RBMS3: variants seen among roughly 807,000 people sequenced by gnomAD.
RBMS3 encodes RNA-binding motif, single-stranded-interacting protein 3.
In RBMS3, 27 loss-of-function variants were observed where a neutral mutation model predicts 66.8. The ratio of observed to expected loss-of-function variants is 0.40; its 90% CI spans 0.30 to 0.56. The LOEUF (loss-of-function observed/expected upper bound fraction) is 0.56, where lower values mean the gene tolerates loss of function less well. RBMS3 is among the 20% of genes least tolerant of loss of function. The pLI is 0.40. For synonymous variants in RBMS3, 188 were observed against 183.0 expected (o/e 1.03, Z -0.22); for missense variants, 513 against 549.5 (o/e 0.93, Z 0.66).
At chr3:29,497,973 A>ACTTTT (rs2043818679) in intron 3 of RBMS3, among the ~76,000 whole-genome samples, 7 of 43,416 alleles carry the variant, frequency 1.6e-4, no homozygotes, top group African/African-American at 6.9e-4. Flanking sequence ...AAAAGTATTC[A>ACTTTT]TTTTTTTTTT....
At chr3:29,722,833 C>T (rs1481010157) in intron 4 of RBMS3, among the ~76,000 whole-genome samples, 4 of 152,090 alleles carry the variant, frequency 2.6e-5, no homozygotes, top group Non-Finnish European at 4.4e-5. Context: ...GATACTCATT[C>T]ATCCCATTCT....
intron 1 of RBMS3, among the ~76,000 whole-genome samples, chr3:29,290,459 GGT>G (rs2032722095): frequency 6.6e-6 from 1 of 151,620 alleles, no homozygotes; most frequent in Admixed American, 6.6e-5. Context: ...TCTTTGACTT[GGT>G]GGGAACTACC....
chr3:29,619,422 G>A (rs913702542), intron 4 of RBMS3, among the ~76,000 whole-genome samples: 6 of 152,178 alleles, frequency 3.9e-5, no homozygotes, highest in Admixed American at 3.3e-4. Context: ...GCATGATAGT[G>A]TAAGCTTCTT....
chr3:29,785,294 A>G (rs954674245), intron 6 of RBMS3, among the ~76,000 whole-genome samples: 2 of 152,166 alleles, frequency 1.3e-5, no homozygotes, highest in Non-Finnish European at 2.9e-5. Flanking sequence ...TGAATCCAAC[A>G]GCTTATCAAA....
At chr3:29,764,211 T>A (rs1053763212) in intron 6 of RBMS3, among the ~76,000 whole-genome samples, 3 of 152,048 alleles carry the variant, frequency 2.0e-5, no homozygotes, top group Non-Finnish European at 4.4e-5. Context: ...GGCTAATCAG[T>A]GAGTCAACAT....
intron 6 of RBMS3, among the ~76,000 whole-genome samples, chr3:29,778,437 T>G (rs1045521064): frequency 6.6e-6 from 1 of 151,768 alleles, no homozygotes; most frequent in African/African-American, 2.4e-5. Flanking sequence ...AACTTTTTTT[T>G]TTTTTTGTGC....
At chr3:29,375,774 AT>A (rs1226040218) in intron 1 of RBMS3, among the ~76,000 whole-genome samples, 1 of 152,214 alleles carries the variant, frequency 6.6e-6, no homozygotes, top group East Asian at 1.9e-4. Flanking sequence ...TAGTTCAACC[AT>A]TGTGGAAGAC....
chr3:29,962,538 A>G (rs1240802412), intron 12 of RBMS3, among the ~76,000 whole-genome samples: 6 of 150,070 alleles, frequency 4.0e-5, no homozygotes, highest in Non-Finnish European at 7.4e-5. Flanking sequence ...TGTTTTTAAT[A>G]TGGGTCAAGA....
intron 14 of RBMS3, among the ~76,000 whole-genome samples, chr3:29,993,056 T>C (rs1374688316): frequency 2.0e-5 from 3 of 152,186 alleles, no homozygotes; most frequent in African/African-American, 7.2e-5. Context: ...GTAAACTCTA[T>C]TATGTGTGGT....
chr3:29,762,963 A>G lies in RBMS3; in HGVS notation c.611A>G (p.Tyr204Cys), dbSNP rs2055760988. 3.7e-6 allele frequency: 6 copies of G among 1,608,874 alleles called. No individual in the cohort carries two copies. The South Asian group carries it at 5.5e-5, about 15-fold the overall frequency. ...GTAATTCAACATTTTAATGGAAAAT[A>G]TCTGAAAACACCACCAGGCATCCCA... ...EVVIQHFNGK[Y>C]LKTPPGIPAP... is the part of the protein sequence containing the mutation. The change falls in exon 6 of 15, where the codon TAT becomes TGT. Residue 204 changes from tyrosine (Y) to cysteine (C), a missense_variant. By Grantham distance (194) the Tyr-to-Cys change is radical. Transcript: ENST00000383767.
chr3:29,511,106 G>C (rs2044386564), intron 3 of RBMS3, among the ~76,000 whole-genome samples: 1 of 152,086 alleles, frequency 6.6e-6, no homozygotes, highest in South Asian at 2.1e-4. Context: ...AGACCTATTG[G>C]CTAACATGGT....
chr3:29,324,938 T>C (rs558179609), intron 1 of RBMS3, among the ~76,000 whole-genome samples: 2 of 152,214 alleles, frequency 1.3e-5, no homozygotes, highest in Admixed American at 6.5e-5. Flanking sequence ...TTATGAAAAC[T>C]AGATCCCAGT....
At chr3:29,568,047 G>A (rs2149061590) in intron 3 of RBMS3, among the ~76,000 whole-genome samples, 1 of 152,240 alleles carries the variant, frequency 6.6e-6, no homozygotes, top group East Asian at 1.9e-4. Flanking sequence ...AGGGTTATGA[G>A]ACTTTAATTT....
intron 4 of RBMS3, among the ~76,000 whole-genome samples, chr3:29,721,984 C>T (rs1327187397): frequency 6.6e-6 from 1 of 152,084 alleles, no homozygotes; most frequent in African/African-American, 2.4e-5. Flanking sequence ...CAAGGTACTG[C>T]TGAGTATGTT....
intron 2 of RBMS3, among the ~76,000 whole-genome samples, chr3:29,448,119 G>C (rs967929568): frequency 6.6e-5 from 10 of 152,094 alleles, no homozygotes; most frequent in African/African-American, 2.4e-4. Flanking sequence ...CAGAACAGTG[G>C]TGCAATTGCA....
At chr3:29,474,038 G>A (rs939601604) in intron 2 of RBMS3, among the ~76,000 whole-genome samples, 16 of 152,384 alleles carry the variant, frequency 1.0e-4, no homozygotes, top group African/African-American at 2.6e-4. Flanking sequence ...CAAGGGCTGC[G>A]AGGGCTGCCA....
At chr3:29,945,519 T>C (rs1487747051) in intron 12 of RBMS3, among the ~76,000 whole-genome samples, 1 of 151,672 alleles carries the variant, frequency 6.6e-6, no homozygotes, top group Admixed American at 6.6e-5. Context: ...TCCTGTCATA[T>C]CTTAACATGC....
At chr3:30,002,877 C>T (rs980248061) in intron 14 of RBMS3, among the ~76,000 whole-genome samples, 1 of 151,930 alleles carries the variant, frequency 6.6e-6, no homozygotes, top group Non-Finnish European at 1.5e-5. Context: ...CCTTGGGGAG[C>T]AGACGATGGG....
intron 1 of RBMS3, among the ~76,000 whole-genome samples, chr3:29,394,451 C>T (rs1024374231): frequency 2.6e-5 from 4 of 152,048 alleles, no homozygotes; most frequent in African/African-American, 7.2e-5. Context: ...AGACATACAT[C>T]CTCAGCTTAC....
Sources: gnomAD v4.1 joint callset for allele counts (sites outside exome capture counted in the v4.1 genomes callset) on GRCh38, gnomAD v4.1.1 for gene constraint, MANE v1.5 for transcripts, NCBI Gene and HGNC (gene_info 2026-07-23, HGNC 2026-07-21) for gene names.